The following WDSUB1 variants were observed in gnomAD, a reference collection of about 807,000 sequenced individuals.
WDSUB1 encodes WD repeat, SAM and U-box domain-containing protein 1.
A neutral mutation model predicts 53.9 loss-of-function variants in WDSUB1; 49 were observed. The observed-to-expected ratio is 0.91, with a 90% CI of 0.72 to 1.15. WDSUB1 has a LOEUF of 1.15. Ranked by LOEUF, WDSUB1 falls within the 50% of genes most tolerant of loss-of-function variation. WDSUB1 has a pLI of 0.00. For missense variants in WDSUB1, 514 were observed against 562.0 expected (o/e 0.91, Z 0.86); for synonymous variants, 194 against 200.6 (o/e 0.97, Z 0.28).
intron 1 of WDSUB1, among the ~76,000 whole-genome samples, chr2:159,286,092 G>C (rs1472323215): frequency 1.3e-5 from 2 of 152,122 alleles, no homozygotes; most frequent in Non-Finnish European, 2.9e-5. Context: ...TTGGGGTAGG[G>C]GGGGCGGTGT....
intron 10 of WDSUB1, 28 bp from the exon 11 acceptor site, chr2:159,236,218 A>C: frequency 6.3e-7 from 1 of 1,586,802 alleles, no homozygotes; most frequent in South Asian, 1.2e-5. Context: ...CACAAATTAC[A>C]TGATGTAGGA....
chr2:159,245,568 G>T (rs1307038372), intron 10 of WDSUB1, among the ~76,000 whole-genome samples: 1 of 150,716 alleles, frequency 6.6e-6, no homozygotes, highest in Non-Finnish European at 1.5e-5. Flanking sequence ...TACAGTAATC[G>T]AAGCACTGTG....
chr2:159,276,122 G>A (rs7571107), intron 3 of WDSUB1, among the ~76,000 whole-genome samples: 6,087 of 151,222 alleles, frequency 0.04, 391 homozygotes, highest in African/African-American at 0.14. Flanking sequence ...GCAGTGGTGC[G>A]ATCTTGGCAG....
chr2:159,240,029 A>G (rs1302796647), intron 10 of WDSUB1, among the ~76,000 whole-genome samples: 1 of 151,984 alleles, frequency 6.6e-6, no homozygotes, highest in Non-Finnish European at 1.5e-5. Context: ...GTTGTGTATC[A>G]CTCCATCAAT....
intron 10 of WDSUB1, among the ~76,000 whole-genome samples, chr2:159,242,524 T>A (rs1464215035): frequency 6.8e-6 from 1 of 147,198 alleles, no homozygotes; most frequent in Non-Finnish European, 1.5e-5. Context: ...TAGCTGGGTG[T>A]GGTGGCACAT....
intron 2 of WDSUB1, among the ~76,000 whole-genome samples, chr2:159,282,212 A>C (rs1208666503): frequency 2.7e-5 from 4 of 150,364 alleles, no homozygotes; most frequent in Non-Finnish European, 5.9e-5. Context: ...TTTTTTTTTG[A>C]GACGGAGACT....
chr2:159,241,218 C>T (rs2060637082), intron 10 of WDSUB1, among the ~76,000 whole-genome samples: 1 of 152,196 alleles, frequency 6.6e-6, no homozygotes. Context: ...CAGTGCAGGG[C>T]AGGCATTTCT....
rs142791050 is a variant in WDSUB1 at position 159,241,248 on chromosome 2, C to G, written c.1274-5058G>C. Among the ~76,000 whole-genome samples, 80 of 152,302 alleles carry G rather than the reference C, an allele frequency of 5.3e-4. 1 individual carries two copies. The highest frequency in any genetic ancestry group is 6.8e-3 in the Middle Eastern group (2 of 294). On this transcript the variant is annotated intron_variant, in intron 10 of 10. Transcript: ENST00000359774. ...ATTTCTACTCTTTAGCCCCAGTTAA[C>G]ATTTAGTTTTTAGGTTTTCTGTAAT...
intron 10 of WDSUB1, among the ~76,000 whole-genome samples, chr2:159,243,462 G>A (rs908043346): frequency 2.7e-5 from 4 of 146,294 alleles, no homozygotes; most frequent in Non-Finnish European, 5.9e-5. Flanking sequence ...TAAGATCTGT[G>A]GGTTCTAGCA....
At chr2:159,263,028 A>C (rs1575467686) in intron 5 of WDSUB1, among the ~76,000 whole-genome samples, 1 of 152,288 alleles carries the variant, frequency 6.6e-6, no homozygotes, top group East Asian at 1.9e-4. Flanking sequence ...TGGTGCTCTA[A>C]AACCTCAGCT....
chr2:159,247,409 T>G (rs1175810509), intron 10 of WDSUB1, among the ~76,000 whole-genome samples: 1 of 152,074 alleles, frequency 6.6e-6, no homozygotes. Flanking sequence ...ATTCATTGCC[T>G]CCCTAGCCAA....
intron 9 of WDSUB1, among the ~76,000 whole-genome samples, chr2:159,248,790 G>C (rs1279003292): frequency 2.0e-5 from 3 of 152,242 alleles, no homozygotes; most frequent in Non-Finnish European, 4.4e-5. Flanking sequence ...ATTTTCTGTA[G>C]AGATAAGGTT....
At chr2:159,241,762 G>C (rs1485397178) in intron 10 of WDSUB1, among the ~76,000 whole-genome samples, 2 of 134,150 alleles carry the variant, frequency 1.5e-5, no homozygotes, top group African/African-American at 6.2e-5. Flanking sequence ...GCCGGGGCTA[G>C]AGTGCAGTGG....
In WDSUB1 at chr2:159,257,760, T is replaced by C. The variant is rs2061097678; in HGVS notation, c.950A>G (p.Gln317Arg). 4 of 1,613,340 alleles carry C rather than the reference T, an allele frequency of 2.5e-6. No individual in the cohort carries two copies. Among genetic ancestry groups the C allele is most frequent in the Non-Finnish European group, 2.5e-6 (3 of 1,179,284 alleles). The part of the protein sequence containing the change: ...IWQFDLETLC[Q>R]ARRTEHQLKQ... ...TGAAAAATGATGTCCTTACTAACCT[T>C]GGCAAAGTGTTTCCAGGTCAAATTG... Residue 317 changes from glutamine to arginine, a missense_variant and splice_region_variant, in exon 8 of 11, where the codon CAA becomes CGA. Transcript: ENST00000359774.
intron 5 of WDSUB1, among the ~76,000 whole-genome samples, chr2:159,264,291 T>G (rs371386166): frequency 1.3e-5 from 2 of 152,306 alleles, no homozygotes. Context: ...ACGTGTCCTT[T>G]TCAGTTACTA....
rs982473690 is a variant in WDSUB1, at chr2:159,286,668, G to A, written c.-110C>T. The A allele has an allele frequency of 7.9e-5, 12 of 152,528 alleles. No individual in the cohort carries two copies. Among genetic ancestry groups the A allele is most frequent in the African/African-American group, 2.4e-4 (10 of 41,556 alleles). 9.4% of individuals were successfully genotyped at this position (152,528 alleles called of 1,614,324 possible). A position where few individuals can be genotyped will look rare whatever the true frequency, so the allele number is the denominator to read the frequency against. ...GTGCCGCGCAGGTGAGGCTGGCGGG[G>A]CGGGCGCCGGCGGAGACCCAGAGCA... On this transcript the variant is annotated 5_prime_UTR_variant, in exon 1 of 11. Transcript: ENST00000359774.
In WDSUB1 at chr2:159,247,912, T is replaced by TATATATATATATAA. The variant is rs1452443764; in HGVS notation, c.1273+459_1273+460insTTATATATATATAT. ...ATATATATATATATATATATATAAA[T>TATATATATATATAA]ATATATATATATATAAATATATATA... is the stretch of plus-strand genomic sequence containing the variant. On this transcript the variant is annotated intron_variant, in intron 10 of 10. Transcript: ENST00000359774. Among the ~76,000 whole-genome samples, 255 of 71,706 alleles carry TATATATATATATAA rather than the reference T, an allele frequency of 3.6e-3. 9 individuals carry two copies. Among genetic ancestry groups the TATATATATATATAA allele is most frequent in the African/African-American group, 5.9e-3 (87 of 14,654 alleles). 47.0% of individuals were successfully genotyped at this position (71,706 alleles called of 152,430 possible).
At chr2:159,263,342 G>A (rs889211855) in intron 5 of WDSUB1, among the ~76,000 whole-genome samples, 1 of 152,126 alleles carries the variant, frequency 6.6e-6, no homozygotes, top group Non-Finnish European at 1.5e-5. Flanking sequence ...AGGATTTGCA[G>A]TCTCTTACAA....
At chr2:159,237,388 G>A (rs1281129893) in intron 10 of WDSUB1, among the ~76,000 whole-genome samples, 1 of 152,114 alleles carries the variant, frequency 6.6e-6, no homozygotes, top group African/African-American at 2.4e-5. Flanking sequence ...GGGCATGGTG[G>A]CAGGTGCCTG....
Sources: allele counts gnomAD v4.1 joint callset (sites outside exome capture counted in the v4.1 genomes callset), GRCh38; gene constraint gnomAD v4.1.1; transcripts MANE v1.5; gene names NCBI Gene and HGNC (gene_info 2026-07-23, HGNC 2026-07-21).